The following PHACTR1 variants were observed in gnomAD, a reference collection of about 807,000 sequenced individuals.
The protein encoded by PHACTR1 is phosphatase and actin regulator 1.
A neutral mutation model predicts 69.2 loss-of-function variants in PHACTR1; 16 were observed. That is an observed-to-expected ratio of 0.23 (90% CI 0.16 to 0.35). PHACTR1 has a LOEUF of 0.35. Ranked by LOEUF, PHACTR1 falls within the 10% of genes least tolerant of loss-of-function variation. The pLI is 1.00. For missense variants in PHACTR1, 510 were observed against 734.7 expected, an observed-to-expected ratio of 0.69 and a Z score of 3.54; for synonymous variants, 312 against 284.5, an observed-to-expected ratio of 1.10 and a Z score of -0.97.
intron 4 of PHACTR1, 73 bp downstream of exon 4, chr6:12,749,863 C>CGGGAGGGGCGGGGG: frequency 7.2e-7 from 1 of 1,383,646 alleles, no homozygotes; most frequent in Non-Finnish European, 9.5e-7. Flanking sequence ...AGCCCCCGCC[C>CGGGAGGGGCGGGGG]CTCCCGGGCG....
intron 4 of PHACTR1, among the ~76,000 whole-genome samples, chr6:12,784,607 C>T (rs1771291859): frequency 6.6e-6 from 1 of 151,086 alleles, no homozygotes; most frequent in Non-Finnish European, 1.5e-5. Flanking sequence ...TATATCTATA[C>T]ACATATATGA....
intron 4 of PHACTR1, among the ~76,000 whole-genome samples, chr6:12,776,547 G>C (rs1458954404): frequency 2.0e-5 from 3 of 152,202 alleles, no homozygotes; most frequent in African/African-American, 7.2e-5. Flanking sequence ...TGTGAGCTCA[G>C]CTTCTAACGG....
At chr6:12,902,059 C>A (rs779130874) in intron 4 of PHACTR1, among the ~76,000 whole-genome samples, 12 of 152,120 alleles carry the variant, frequency 7.9e-5, no homozygotes, top group Non-Finnish European at 1.6e-4. Flanking sequence ...AAGCCCCCTA[C>A]ATGCACAGGA....
At chr6:12,955,422 C>A (rs1791783820) in intron 4 of PHACTR1, among the ~76,000 whole-genome samples, 1 of 151,966 alleles carries the variant, frequency 6.6e-6, no homozygotes, top group Non-Finnish European at 1.5e-5. Context: ...CCAGACTGGT[C>A]TCAAACTCCT....
At chr6:12,947,063 G>A (rs923479914) in intron 4 of PHACTR1, among the ~76,000 whole-genome samples, 1 of 151,766 alleles carries the variant, frequency 6.6e-6, no homozygotes, top group Non-Finnish European at 1.5e-5. Context: ...CACCCGCCTC[G>A]GCCTCCGAAA....
intron 4 of PHACTR1, among the ~76,000 whole-genome samples, chr6:12,962,016 T>TCTCCTGGGCTCAAGTGAC (rs1792809924): frequency 6.6e-6 from 1 of 152,114 alleles, no homozygotes; most frequent in African/African-American, 2.4e-5. Flanking sequence ...GCAGCCTTGA[T>TCTCCTGGGCTCAAGTGAC]CTCCTGGGCT....
At chr6:13,093,021 C>A (rs547287541) in intron 5 of PHACTR1, among the ~76,000 whole-genome samples, 1 of 152,298 alleles carries the variant, frequency 6.6e-6, no homozygotes, top group South Asian at 2.1e-4. Flanking sequence ...GGTGGTCTAG[C>A]CATGATCTTG....
At chr6:12,881,304 A>G (rs967963672) in intron 4 of PHACTR1, among the ~76,000 whole-genome samples, 1 of 152,138 alleles carries the variant, frequency 6.6e-6, no homozygotes, top group African/African-American at 2.4e-5. Flanking sequence ...GCACTCATGG[A>G]AGAGGTGGAG....
chr6:12,749,467 C>T (rs1766258590), intron 3 of PHACTR1, 177 bp from the exon 4 acceptor site: 1 of 676,410 alleles, frequency 1.5e-6, no homozygotes, highest in Admixed American at 2.1e-5. Context: ...CCTTTGCTCT[C>T]TTTCTTTCTC....
Position 12,962,318 on chromosome 6 carries a change from T to G in PHACTR1, c.251-91047T>G, listed in dbSNP as rs373064625. Among the ~76,000 whole-genome samples the G allele has an allele frequency of 2.5e-4, 38 of 152,068 alleles. 1 individual carries two copies. Among genetic ancestry groups the G allele is most frequent in the Admixed American group, 1.3e-3 (20 of 15,270 alleles). On this transcript the variant is annotated intron_variant, in intron 4 of 14. Coordinates refer to ENST00000332995, the MANE Select transcript of PHACTR1 (RefSeq NM_030948.6). Reference sequence around the variant, plus strand: ...TAATCATCTCTTTCAAGGCCCTTTCTCCAAATAGAGTCACATTCTGAGGTC... The same window carrying G: ...TAATCATCTCTTTCAAGGCCCTTTCGCCAAATAGAGTCACATTCTGAGGTC...
rs73725617 is a variant in PHACTR1, at chr6:13,170,070, A to G, written c.496+9786A>G. 4.2e-3 allele frequency among the ~76,000 whole-genome samples: 644 copies of G among 152,314 alleles called. 10 individuals are homozygous for G. The highest frequency in any genetic ancestry group is 0.015 in the African/African-American group (619 of 41,558). On this transcript the variant is annotated intron_variant, in intron 6 of 14. Transcript: ENST00000332995. The stretch of plus-strand genomic sequence containing the variant: ...TGCCATCCTCTGGCTGTAACTCCTC[A>G]TGGTGACAAGATGGCTGCAGCAATT...
At chr6:12,751,679 G>A (rs1472577566) in intron 4 of PHACTR1, among the ~76,000 whole-genome samples, 7 of 152,122 alleles carry the variant, frequency 4.6e-5, no homozygotes, top group Admixed American at 3.3e-4. Flanking sequence ...AAATTGCTCT[G>A]GAGTCCAATT....
chr6:12,962,763 A>G (rs13211739), intron 4 of PHACTR1, among the ~76,000 whole-genome samples: 29,561 of 152,138 alleles, frequency 0.19, 3,187 homozygotes, highest in South Asian at 0.27. Context: ...TTTGAGGTCA[A>G]AAGGATTACG....
chr6:13,147,545 G>A (rs533571725), intron 5 of PHACTR1, among the ~76,000 whole-genome samples: 1 of 152,296 alleles, frequency 6.6e-6, no homozygotes, highest in Admixed American at 6.5e-5. Context: ...TGGAGACTTG[G>A]AAAGAGACTA....
intron 4 of PHACTR1, among the ~76,000 whole-genome samples, chr6:12,835,403 C>G (rs1328667082): frequency 1.3e-5 from 2 of 152,004 alleles, no homozygotes; most frequent in Admixed American, 6.6e-5. Context: ...TGTTGCAGTA[C>G]GACAGGCCTG....
At chr6:13,181,001 A>G (rs1028075938) in intron 6 of PHACTR1, among the ~76,000 whole-genome samples, 8 of 152,172 alleles carry the variant, frequency 5.3e-5, no homozygotes, top group Non-Finnish European at 1.0e-4. Flanking sequence ...AAAAAAAGAA[A>G]AAAAAACACA....
chr6:13,120,432 A>G (rs1023673708), intron 5 of PHACTR1, among the ~76,000 whole-genome samples: 3 of 152,186 alleles, frequency 2.0e-5, no homozygotes, highest in Non-Finnish European at 4.4e-5. Flanking sequence ...TGATGATCTT[A>G]AATGAGTTAA....
intron 4 of PHACTR1, among the ~76,000 whole-genome samples, chr6:12,973,948 G>C (rs1445452461): frequency 8.0e-6 from 1 of 125,580 alleles, no homozygotes; most frequent in South Asian, 2.7e-4. Context: ...TTGAGTTGGA[G>C]TCTCGCTCTC....
chr6:13,204,366 C>T (rs533386838), intron 7 of PHACTR1, among the ~76,000 whole-genome samples: 2 of 152,050 alleles, frequency 1.3e-5, no homozygotes, highest in Admixed American at 6.5e-5. Context: ...GTCAGAACTG[C>T]GTGGTGCTCC....
Sources: gnomAD v4.1 joint callset for allele counts (sites outside exome capture counted in the v4.1 genomes callset) on GRCh38, gnomAD v4.1.1 for gene constraint, MANE v1.5 for transcripts, NCBI Gene and HGNC (gene_info 2026-07-23, HGNC 2026-07-21) for gene names.